JPH2: variants seen among roughly 807,000 people sequenced by gnomAD.
The protein encoded by JPH2 is junctophilin 2.
JPH2 carries 38 observed loss-of-function variants against 55.9 expected under a neutral mutation model. The observed-to-expected ratio is 0.68, with a 90% CI of 0.52 to 0.89. The LOEUF (loss-of-function observed/expected upper bound fraction) is 0.89, where lower values mean the gene tolerates loss of function less well. Ranked by LOEUF, JPH2 falls within the 40% of genes least tolerant of loss-of-function variation. JPH2 has a pLI of 0.00. For synonymous variants in JPH2, 480 were observed against 472.4 expected (o/e 1.02, Z -0.21); for missense variants, 964 against 1,037.6 (o/e 0.93, Z 0.97).
At chr20:44,149,041 T>TG (rs1358346731) in intron 2 of JPH2, among the ~76,000 whole-genome samples, 3 of 148,194 alleles carry the variant, frequency 2.0e-5, no homozygotes, top group Non-Finnish European at 4.4e-5. Flanking sequence ...CACTCCAGCC[T>TG]GGCAACAGAG....
At chr20:44,145,673 A>G (rs1362445568) in intron 2 of JPH2, among the ~76,000 whole-genome samples, 4 of 151,122 alleles carry the variant, frequency 2.6e-5, no homozygotes, top group African/African-American at 9.7e-5. Context: ...ATAGAGGTGG[A>G]GGAGATAAAA....
intron 2 of JPH2, among the ~76,000 whole-genome samples, chr20:44,154,023 A>G (rs946304489): frequency 5.9e-5 from 9 of 152,150 alleles, no homozygotes; most frequent in Admixed American, 2.6e-4. Context: ...AGGCATCACA[A>G]AAGAGTTCTT....
intron 2 of JPH2, among the ~76,000 whole-genome samples, chr20:44,152,767 T>G (rs561199305): frequency 6.6e-6 from 1 of 152,328 alleles, no homozygotes; most frequent in African/African-American, 2.4e-5. Context: ...AAGTCCATTT[T>G]GCTCATTAGT....
Position 44,144,113 on chromosome 20 carries a change from G to A in JPH2, c.1169+15505C>T, listed in dbSNP as rs1251390048. Among the ~76,000 whole-genome samples the A allele has an allele frequency of 2.0e-5, 3 of 152,096 alleles. No homozygotes were observed. The South Asian group carries it at 6.2e-4, about 32-fold the overall frequency. ...GCAAAGGGGTTATTTTTAGAGAGTTGGGTGTTTACTTGAAGGATTTAAAGA... is the reference window on the plus strand; with the variant it reads ...GCAAAGGGGTTATTTTTAGAGAGTTAGGTGTTTACTTGAAGGATTTAAAGA... On this transcript the variant is annotated intron_variant, in intron 2 of 5. Transcript: ENST00000372980.
In JPH2 at chr20:44,151,958, T is replaced by G. The variant is rs540639706; in HGVS notation, c.1169+7660A>C. 4.6e-5 allele frequency among the ~76,000 whole-genome samples: 7 copies of G among 152,312 alleles called. No individual in the cohort carries two copies. In the East Asian group the frequency reaches 1.4e-3, roughly 29 times the overall value. ...CAGACTCCCAACCAGAGGTGGCCCC[T>G]GCAGGGAGCTTTCCCAGACCTCCTC... On this transcript the variant is annotated intron_variant, in intron 2 of 5. Transcript: ENST00000372980.
chr20:44,143,546 C>A (rs1253455974), intron 2 of JPH2, among the ~76,000 whole-genome samples: 1 of 152,212 alleles, frequency 6.6e-6, no homozygotes, highest in African/African-American at 2.4e-5. Context: ...GAGGTCTGAG[C>A]TGGATCCAGT....
intron 2 of JPH2, among the ~76,000 whole-genome samples, chr20:44,158,482 G>A (rs1843069): frequency 1.3e-5 from 2 of 152,178 alleles, no homozygotes; most frequent in African/African-American, 4.8e-5. Flanking sequence ...CTGCAAAACA[G>A]AAATAAACAC....
chr20:44,107,767 G>C lies in JPH2; in HGVS notation c.*5751C>G, dbSNP rs567160218. Among the ~76,000 whole-genome samples the C allele has an allele frequency of 6.6e-6, 1 of 152,344 alleles. No homozygotes were observed. The highest frequency in any genetic ancestry group is 2.4e-5 in the African/African-American group (1 of 41,580). On this transcript the variant is annotated 3_prime_UTR_variant, in exon 6 of 6. Transcript: ENST00000372980. ...CTCTCTTAAGGAACTCAGTCTAGTG[G>C]AGAAGCTGTGGATAGGAAGAGATAC...
Position 44,107,845 on chromosome 20 carries a change from T to C in JPH2, c.*5673A>G, listed in dbSNP as rs2145832220. Reference sequence around the variant, plus strand: ...TGAGGGAGAGGTCTGATTTTTGTCCTGGCTCCTAGGAAGTAATTTCTAAAC... The same window carrying C: ...TGAGGGAGAGGTCTGATTTTTGTCCCGGCTCCTAGGAAGTAATTTCTAAAC... On this transcript the variant is annotated 3_prime_UTR_variant, in exon 6 of 6. Coordinates refer to ENST00000372980, the MANE Select transcript of JPH2 (RefSeq NM_020433.5). Among the ~76,000 whole-genome samples the C allele has an allele frequency of 6.6e-6, 1 of 152,300 alleles. No homozygotes were observed. Among genetic ancestry groups the C allele is most frequent in the South Asian group, 2.1e-4 (1 of 4,820 alleles).
At chr20:44,135,564 T>G (rs1045861919) in intron 2 of JPH2, among the ~76,000 whole-genome samples, 1 of 152,192 alleles carries the variant, frequency 6.6e-6, no homozygotes, top group African/African-American at 2.4e-5. Context: ...CAAGGTCACT[T>G]TGTCTTCCTC....
intron 2 of JPH2, among the ~76,000 whole-genome samples, chr20:44,148,537 T>TGACA (rs1347739421): frequency 3.9e-5 from 6 of 152,236 alleles, no homozygotes; most frequent in African/African-American, 1.4e-4. Flanking sequence ...TTCGTTTCTT[T>TGACA]CCCACCTGCT....
chr20:44,180,960 C>G (rs929390448), intron 1 of JPH2, among the ~76,000 whole-genome samples: 31 of 151,930 alleles, frequency 2.0e-4, no homozygotes, highest in African/African-American at 7.3e-4. Flanking sequence ...ATAACTCTTT[C>G]AGGGCTGGGG....
intron 1 of JPH2, among the ~76,000 whole-genome samples, chr20:44,168,352 A>G (rs1299316910): frequency 2.7e-5 from 4 of 150,784 alleles, no homozygotes; most frequent in African/African-American, 4.9e-5. Context: ...ATGATTGTAT[A>G]TTGTTTACAC....
At chr20:44,146,749 CG>C (rs1287684808) in intron 2 of JPH2, among the ~76,000 whole-genome samples, 1 of 152,128 alleles carries the variant, frequency 6.6e-6, no homozygotes, top group East Asian at 1.9e-4. Flanking sequence ...ACTGGGTTCA[CG>C]GAACACCAGA....
At position 44,115,020 on chromosome 20, in the gene JPH2, G is replaced by A. The variant is rs1199380280; in HGVS notation, c.2011-144C>T. On this transcript the variant is annotated intron_variant, in intron 4 of 5. Coordinates refer to ENST00000372980, the MANE Select transcript of JPH2 (RefSeq NM_020433.5). ...CCGGCTTTGTTCACTGCTGTATCCT[G>A]TCACCTGGATGGCAGACCATCACAG... 7.0e-6 allele frequency: 5 copies of A among 711,640 alleles called. No homozygotes were observed. In the African/African-American group the frequency reaches 8.8e-5, roughly 12 times the overall value. The allele number at this position is 711,640 out of a possible 1,614,324, so 44.1% of individuals were successfully genotyped here. A position where few individuals can be genotyped will look rare whatever the true frequency, so the allele number is the denominator to read the frequency against.
At chr20:44,140,687 T>C (rs1027349246) in intron 2 of JPH2, among the ~76,000 whole-genome samples, 66 of 151,296 alleles carry the variant, frequency 4.4e-4, no homozygotes, top group African/African-American at 1.6e-3. Context: ...CTCCCTGGGG[T>C]GATCGCTGGG....
At chr20:44,175,384 T>C (rs1423481053) in intron 1 of JPH2, among the ~76,000 whole-genome samples, 1 of 152,206 alleles carries the variant, frequency 6.6e-6, no homozygotes, top group Non-Finnish European at 1.5e-5. Context: ...TCTCATAAAT[T>C]AACAGTCCCT....
At chr20:44,158,917 G>C (rs1486975321) in intron 2 of JPH2, among the ~76,000 whole-genome samples, 1 of 152,178 alleles carries the variant, frequency 6.6e-6, no homozygotes, top group African/African-American at 2.4e-5. Context: ...AGTGAATGCA[G>C]GTGATTGGTG....
intron 2 of JPH2, among the ~76,000 whole-genome samples, chr20:44,141,858 C>T (rs760168585): frequency 1.4e-4 from 21 of 152,088 alleles, no homozygotes; most frequent in Non-Finnish European, 2.4e-4. Flanking sequence ...ACTACACAAT[C>T]CTCAAGGATA....
Sources: allele counts gnomAD v4.1 joint callset (sites outside exome capture counted in the v4.1 genomes callset), GRCh38; gene constraint gnomAD v4.1.1; transcripts MANE v1.5; gene names NCBI Gene and HGNC (gene_info 2026-07-23, HGNC 2026-07-21).